The following WDFY2 variants were observed in gnomAD, a reference collection of about 807,000 sequenced individuals.
WDFY2 encodes WD repeat and FYVE domain-containing protein 2.
WDFY2 carries 36 observed loss-of-function variants against 56.4 expected under a neutral mutation model. That is an observed-to-expected ratio of 0.64 (90% CI 0.49 to 0.84). The LOEUF (loss-of-function observed/expected upper bound fraction) is 0.84, where lower values mean the gene tolerates loss of function less well. Ranked by LOEUF, WDFY2 falls within the 40% of genes least tolerant of loss-of-function variation. The pLI, the probability that WDFY2 is intolerant of heterozygous loss-of-function variation, is 0.00. For synonymous variants in WDFY2, 176 were observed against 183.7 expected (o/e 0.96, Z 0.34); for missense variants, 444 against 512.2 (o/e 0.87, Z 1.29).
intron 1 of WDFY2, among the ~76,000 whole-genome samples, chr13:51,607,071 T>C (rs1954396850): frequency 4.6e-5 from 7 of 152,186 alleles, no homozygotes; most frequent in Admixed American, 4.6e-4. Context: ...TCCCTAAAAT[T>C]TGTATGCTTT....
Position 51,719,244 on chromosome 13 carries a change from G to A in WDFY2, c.381G>A (p.Glu127=). The change falls in exon 5 of 12, where the codon GAG becomes GAA. Residue 127 remains glutamate, a synonymous_variant. Transcript: ENST00000298125. ...VTMILFVLEL[E]WVLSTGQDKQ... is the part of the protein sequence containing the mutation. ...TGATCCTGTTTGTCCTGGAGCTGGA[G>A]TGGGTGCTGAGCACAGGACAGGACA... is the stretch of plus-strand genomic sequence containing the variant. The A allele has an allele frequency of 6.2e-7, 1 of 1,614,210 alleles. No individual in the cohort carries two copies. Among genetic ancestry groups the A allele is most frequent in the Middle Eastern group, 1.6e-4 (1 of 6,062 alleles).
At chr13:51,678,991 G>T (rs904397041) in intron 3 of WDFY2, among the ~76,000 whole-genome samples, 10 of 151,990 alleles carry the variant, frequency 6.6e-5, no homozygotes, top group Non-Finnish European at 1.5e-4. Flanking sequence ...TTAATGGAGT[G>T]GGGGAAAAAA....
At chr13:51,735,381 A>T (rs1266825134) in intron 6 of WDFY2, among the ~76,000 whole-genome samples, 3 of 152,318 alleles carry the variant, frequency 2.0e-5, no homozygotes, top group African/African-American at 7.2e-5. Context: ...CAAGTTCAAT[A>T]TAGTGGGGTC....
intron 4 of WDFY2, among the ~76,000 whole-genome samples, chr13:51,713,310 C>T (rs61958305): frequency 6.6e-6 from 1 of 152,016 alleles, no homozygotes; most frequent in Admixed American, 6.5e-5. Flanking sequence ...AATACAGTGT[C>T]GGATTAACAT....
At chr13:51,650,169 T>C (rs1214854237) in intron 1 of WDFY2, among the ~76,000 whole-genome samples, 3 of 152,094 alleles carry the variant, frequency 2.0e-5, no homozygotes, top group African/African-American at 4.8e-5. Flanking sequence ...TATTTTATTC[T>C]CTTTGAAGCA....
intron 3 of WDFY2, among the ~76,000 whole-genome samples, chr13:51,699,047 C>T (rs930194930): frequency 4.6e-5 from 7 of 152,144 alleles, no homozygotes; most frequent in African/African-American, 1.7e-4. Flanking sequence ...TACTTGTTTC[C>T]TGGGCTCTCT....
intron 4 of WDFY2, among the ~76,000 whole-genome samples, chr13:51,710,295 A>G (rs909446612): frequency 5.3e-5 from 8 of 152,210 alleles, no homozygotes; most frequent in Non-Finnish European, 7.3e-5. Flanking sequence ...TCTCAAAATA[A>G]TAAGAGCTAT....
At chr13:51,757,787 G>C (rs1593484810) in intron 10 of WDFY2, among the ~76,000 whole-genome samples, 1 of 151,412 alleles carries the variant, frequency 6.6e-6, no homozygotes, top group South Asian at 2.1e-4. Context: ...TTTCCTATTA[G>C]AATGACACTT....
chr13:51,633,197 C>T (rs78232850), intron 1 of WDFY2, among the ~76,000 whole-genome samples: 2 of 152,332 alleles, frequency 1.3e-5, no homozygotes, highest in South Asian at 4.1e-4. Context: ...ACCAGCATGG[C>T]TGCTGCTCCA....
chr13:51,659,939 C>T (rs1045291712), intron 1 of WDFY2, among the ~76,000 whole-genome samples: 4 of 152,186 alleles, frequency 2.6e-5, no homozygotes, highest in Admixed American at 2.0e-4. Flanking sequence ...AATAGTTCCC[C>T]AGCCAGATGA....
rs1347378722 is a variant in WDFY2, at chr13:51,765,709, CTT to C, written c.*5944_*5945del. ...CATATCAAGTGAGTTGCTTTCTGGA[CTT>C]TTTCCATCTAGAGCCTGCTAGGTTT... On this transcript the variant is annotated 3_prime_UTR_variant, in exon 12 of 12. Transcript: ENST00000298125. The C allele has an allele frequency of 6.6e-6, 1 of 152,170 alleles. No individual in the cohort carries two copies. Among genetic ancestry groups the C allele is most frequent in the Admixed American group, 6.5e-5 (1 of 15,280 alleles). 9.4% of individuals were successfully genotyped at this position (152,170 alleles called of 1,614,324 possible). A position where few individuals can be genotyped will look rare whatever the true frequency, so the allele number is the denominator to read the frequency against.
intron 6 of WDFY2, among the ~76,000 whole-genome samples, chr13:51,730,315 G>T (rs755917134): frequency 1.3e-5 from 2 of 152,154 alleles, no homozygotes; most frequent in African/African-American, 4.8e-5. Context: ...AAACCTTGTC[G>T]TACTTAACTT....
chr13:51,664,022 C>T (rs1163958003), intron 2 of WDFY2, among the ~76,000 whole-genome samples: 1 of 151,986 alleles, frequency 6.6e-6, no homozygotes, highest in African/African-American at 2.4e-5. Flanking sequence ...AAATGCATTA[C>T]AGCTTTGAGA....
chr13:51,756,280 C>T (rs1953379112), intron 9 of WDFY2, 52 bp from the exon 10 acceptor site: 1 of 1,572,338 alleles, frequency 6.4e-7, no homozygotes, highest in African/African-American at 1.4e-5. Flanking sequence ...ATGCGGGGGC[C>T]TCAGGAGCTG....
In WDFY2 at chr13:51,765,681, C is replaced by T. The variant is rs1056051551; in HGVS notation, c.*5912C>T. ...ATCACCACATGCCTTTGTTGTCTTC[C>T]ATCATATCAAGTGAGTTGCTTTCTG... is the stretch of plus-strand genomic sequence containing the variant. On this transcript the variant is annotated 3_prime_UTR_variant, in exon 12 of 12. Coordinates refer to ENST00000298125, the MANE Select transcript of WDFY2 (RefSeq NM_052950.4). 3.9e-5 allele frequency: 6 copies of T among 152,176 alleles called. No homozygotes were observed. The highest frequency in any genetic ancestry group is 1.4e-4 in the African/African-American group (6 of 41,444). The allele number at this position is 152,176 out of a possible 1,614,324, so 9.4% of individuals were successfully genotyped here.
chr13:51,712,028 C>G (rs752299878), intron 4 of WDFY2, among the ~76,000 whole-genome samples: 68 of 152,116 alleles, frequency 4.5e-4, no homozygotes, highest in Middle Eastern at 3.4e-3. Context: ...TAGCAAATAC[C>G]AAAGATTTGG....
intron 5 of WDFY2, among the ~76,000 whole-genome samples, chr13:51,724,444 G>T (rs561023985): frequency 6.6e-6 from 1 of 152,036 alleles, no homozygotes; most frequent in East Asian, 1.9e-4. Context: ...TCACTATGTT[G>T]GCCAGGCTGG....
intron 1 of WDFY2, among the ~76,000 whole-genome samples, chr13:51,604,204 T>C (rs1954341932): frequency 2.0e-5 from 3 of 152,182 alleles, no homozygotes; most frequent in Admixed American, 6.5e-5. Flanking sequence ...CTTTAGAAAA[T>C]AATACATGCC....
intron 8 of WDFY2, among the ~76,000 whole-genome samples, chr13:51,753,991 G>A (rs1953300587): frequency 6.6e-6 from 1 of 151,580 alleles, no homozygotes; most frequent in Non-Finnish European, 1.5e-5. Flanking sequence ...TTCTCAGGAG[G>A]CTGAGGCAGG....
Sources: allele counts gnomAD v4.1 joint callset (sites outside exome capture counted in the v4.1 genomes callset), GRCh38; gene constraint gnomAD v4.1.1; transcripts MANE v1.5; gene names NCBI Gene and HGNC (gene_info 2026-07-23, HGNC 2026-07-21).